The following LRRFIP1 variants were observed in gnomAD, a reference collection of about 807,000 sequenced individuals.
LRRFIP1 encodes the protein LRR binding FLII interacting protein 1, also known as leucine-rich repeat flightless-interacting protein 1.
LRRFIP1 carries 62 observed loss-of-function variants against 104.4 expected under a neutral mutation model. The observed-to-expected ratio is 0.59, with a 90% CI of 0.48 to 0.73. LRRFIP1 has a LOEUF of 0.73. Among genes scored for constraint, LRRFIP1 ranks in the 30% least tolerant of loss-of-function variants. The pLI is 0.00. For synonymous variants in LRRFIP1, 300 were observed against 299.0 expected, an observed-to-expected ratio of 1.00 and a Z score of -0.03; for missense variants, 796 against 824.5, an observed-to-expected ratio of 0.97 and a Z score of 0.42.
intron 1 of LRRFIP1, among the ~76,000 whole-genome samples, chr2:237,694,488 G>A (rs1011671840): frequency 2.6e-5 from 4 of 152,168 alleles, no homozygotes; most frequent in Non-Finnish European, 4.4e-5. Context: ...GGGGTAGGGC[G>A]TCACCCAGCG....
chr2:237,738,134 C>T (rs1268404154), intron 10 of LRRFIP1, among the ~76,000 whole-genome samples: 1 of 151,912 alleles, frequency 6.6e-6, no homozygotes, highest in Non-Finnish European at 1.5e-5. Context: ...AGATCACAAG[C>T]ACCCCTGAAG....
chr2:237,730,005 A>G (rs1485392551), intron 8 of LRRFIP1, among the ~76,000 whole-genome samples: 1 of 152,206 alleles, frequency 6.6e-6, no homozygotes, highest in African/African-American at 2.4e-5. Context: ...AGCAGTTAAC[A>G]TGAGCTCCTT....
intron 11 of LRRFIP1, among the ~76,000 whole-genome samples, chr2:237,743,322 G>T (rs1559754924): frequency 6.6e-6 from 1 of 152,126 alleles, no homozygotes; most frequent in Non-Finnish European, 1.5e-5. Flanking sequence ...CTGTTAAAGG[G>T]CAGTAGTAAC....
At chr2:237,701,324 A>G (rs546339076) in intron 1 of LRRFIP1, among the ~76,000 whole-genome samples, 2 of 152,300 alleles carry the variant, frequency 1.3e-5, no homozygotes, top group South Asian at 2.1e-4. Context: ...CGTCACTGGA[A>G]TTGGGGTTCA....
chr2:237,691,382 C>A lies in LRRFIP1; in HGVS notation c.97-17162C>A, dbSNP rs1204876113. 6.6e-6 allele frequency among the ~76,000 whole-genome samples: 1 copy of A among 152,296 alleles called. No homozygotes were observed. Among genetic ancestry groups the A allele is most frequent in the Admixed American group, 6.5e-5 (1 of 15,306 alleles). ...GGCGCCTGGCAGGGGGTCGTCGCGG[C>A]CGCAGCCTGGACGGTGTGGACCCCG... On this transcript the variant is annotated intron_variant, in intron 1 of 23. Transcript: ENST00000308482. The surrounding 1 kb of genome is among the most constrained non-coding windows in gnomAD (Gnocchi z 5.4).
At chr2:237,736,053 A>C (rs1197740854) in intron 10 of LRRFIP1, among the ~76,000 whole-genome samples, 1 of 152,216 alleles carries the variant, frequency 6.6e-6, no homozygotes, top group Non-Finnish European at 1.5e-5. Context: ...TTTACTAAGA[A>C]ATACTTGAAA....
chr2:237,753,334 A>C lies in LRRFIP1; in HGVS notation c.893A>C (p.Lys298Thr). 6.3e-7 allele frequency: 1 copy of C among 1,589,120 alleles called. No homozygotes were observed. Among genetic ancestry groups the C allele is most frequent in the Non-Finnish European group, 8.5e-7 (1 of 1,174,142 alleles). ...GACTCTCTAGCAGAAGTTGAAGAGA[A>C]ATATAAGAAGGCTATGGTTTCCAAT... Reference protein sequence around the residue: ...MKDSLAEVEEKYKKAMVSNAQ... With the variant: ...MKDSLAEVEETYKKAMVSNAQ... Residue 298 changes from lysine (K) to threonine (T), a missense_variant, in exon 15 of 24, where the codon AAA becomes ACA. Coordinates refer to ENST00000308482, the MANE Select transcript of LRRFIP1 (RefSeq NM_001137550.2).
At chr2:237,749,610 C>A (rs190007833) in intron 13 of LRRFIP1, among the ~76,000 whole-genome samples, 4 of 152,176 alleles carry the variant, frequency 2.6e-5, no homozygotes, top group Admixed American at 2.6e-4. Flanking sequence ...GCACTTGGCA[C>A]GTTGTGTTGA....
chr2:237,692,247 C>A, intron 1 of LRRFIP1: 1 of 1,132,686 alleles, frequency 8.8e-7, no homozygotes, highest in Non-Finnish European at 1.1e-6. Flanking sequence ...GCCACCTGCG[C>A]CCCGCCCCTG....
At chr2:237,745,682 T>C (rs920657536) in intron 11 of LRRFIP1, among the ~76,000 whole-genome samples, 1 of 152,176 alleles carries the variant, frequency 6.6e-6, no homozygotes, top group African/African-American at 2.4e-5. Flanking sequence ...AGGGCTTGGG[T>C]GGGCCCTTCT....
intron 4 of LRRFIP1, among the ~76,000 whole-genome samples, chr2:237,718,686 GTCCTATTAAATGT>G (rs2150146602): frequency 6.6e-6 from 1 of 152,300 alleles, no homozygotes; most frequent in South Asian, 2.1e-4. Context: ...GGATGGAAAT[GTCCTATTAAATGT>G]TCCTTATACA....
At chr2:237,650,528 A>G (rs1455064291) in intron 1 of LRRFIP1, among the ~76,000 whole-genome samples, 3 of 148,692 alleles carry the variant, frequency 2.0e-5, no homozygotes, top group African/African-American at 7.3e-5. Context: ...TACGCACTGC[A>G]GAAGCCCTGG....
chr2:237,648,059 G>A (rs2085265466), intron 1 of LRRFIP1, among the ~76,000 whole-genome samples: 1 of 151,998 alleles, frequency 6.6e-6, no homozygotes, highest in South Asian at 2.1e-4. Context: ...TGAAATAGAG[G>A]CAGTGTATGA....
intron 1 of LRRFIP1, among the ~76,000 whole-genome samples, chr2:237,635,502 T>A (rs896327913): frequency 3.3e-5 from 5 of 152,054 alleles, no homozygotes; most frequent in African/African-American, 1.2e-4. Flanking sequence ...AACTAGTCAA[T>A]AAAATAAACT....
intron 21 of LRRFIP1, 138 bp downstream of exon 21, chr2:237,772,336 C>A: frequency 1.5e-6 from 1 of 647,180 alleles, no homozygotes; most frequent in Non-Finnish European, 2.7e-6. Context: ...AAAATAAAAG[C>A]ACAAGGAGGG....
intron 7 of LRRFIP1, among the ~76,000 whole-genome samples, chr2:237,726,732 C>T (rs1172369059): frequency 1.3e-5 from 2 of 152,160 alleles, no homozygotes; most frequent in Non-Finnish European, 1.5e-5. Flanking sequence ...GACTGCTCCT[C>T]CTTTTTCTGT....
intron 1 of LRRFIP1, among the ~76,000 whole-genome samples, chr2:237,658,410 CT>C (rs1209068452): frequency 6.6e-6 from 1 of 152,168 alleles, no homozygotes. Flanking sequence ...AATAGAATTT[CT>C]TTTGGTACCA....
At chr2:237,764,467 A>G (rs192120817) in intron 19 of LRRFIP1, 27 of 1,171,180 alleles carry the variant, frequency 2.3e-5, no homozygotes, top group Middle Eastern at 3.5e-4. Flanking sequence ...GCTGATAGGA[A>G]TGTGGGTTTT....
chr2:237,722,768 G>T (rs2094577828), intron 6 of LRRFIP1, among the ~76,000 whole-genome samples: 1 of 152,106 alleles, frequency 6.6e-6, no homozygotes, highest in South Asian at 2.1e-4. Context: ...TGGTGAAGAG[G>T]CCTGCGTGGG....
Sources: allele counts gnomAD v4.1 joint callset (sites outside exome capture counted in the v4.1 genomes callset), GRCh38; gene constraint gnomAD v4.1.1; non-coding constraint Gnocchi (gnomAD v3.1); transcripts MANE v1.5; gene names NCBI Gene and HGNC (gene_info 2026-07-23, HGNC 2026-07-21).